NTM: variants seen among roughly 807,000 people sequenced by gnomAD.
NTM encodes neurotrimin.
Under a neutral mutation model 42.1 loss-of-function variants are expected in NTM, and 13 were observed. The ratio of observed to expected loss-of-function variants is 0.31; its 90% CI spans 0.20 to 0.49. NTM has a LOEUF of 0.49. Ranked by LOEUF, NTM falls within the 20% of genes least tolerant of loss-of-function variation. The pLI, the probability that NTM is intolerant of heterozygous loss-of-function variation, is 0.99. For synonymous variants in NTM, 187 were observed against 179.2 expected (o/e 1.04, Z -0.35); for missense variants, 373 against 452.8 (o/e 0.82, Z 1.60).
chr11:132,222,459 T>C (rs2085361669), intron 4 of NTM, among the ~76,000 whole-genome samples: 2 of 152,248 alleles, frequency 1.3e-5, no homozygotes, highest in South Asian at 4.1e-4. Flanking sequence ...TCCTTTCTTA[T>C]CTGAGTCTGT....
chr11:132,127,239 G>A (rs2065995290), intron 2 of NTM, among the ~76,000 whole-genome samples: 1 of 152,190 alleles, frequency 6.6e-6, no homozygotes, highest in Non-Finnish European at 1.5e-5. Flanking sequence ...AAAGTCTTTG[G>A]TTAAAGCAAC....
At chr11:131,411,070 A>T (rs779079228) in intron 1 of NTM, among the ~76,000 whole-genome samples, 8 of 152,136 alleles carry the variant, frequency 5.3e-5, no homozygotes, top group Non-Finnish European at 1.2e-4. Context: ...CCATGTTCTG[A>T]TGCAGTTTTG....
intron 1 of NTM, among the ~76,000 whole-genome samples, chr11:131,843,811 C>A (rs1441444805): frequency 6.6e-6 from 1 of 152,084 alleles, no homozygotes; most frequent in Non-Finnish European, 1.5e-5. Context: ...TTAGCCATTT[C>A]ATTTTCCTCT....
At chr11:132,101,128 G>A (rs1346486744) in intron 2 of NTM, among the ~76,000 whole-genome samples, 2 of 152,260 alleles carry the variant, frequency 1.3e-5, no homozygotes, top group Non-Finnish European at 2.9e-5. Flanking sequence ...TTGTTCCTGA[G>A]GCCATTGATC....
chr11:132,314,116 C>T (rs1373925569), intron 6 of NTM, among the ~76,000 whole-genome samples: 7 of 149,558 alleles, frequency 4.7e-5, no homozygotes, highest in African/African-American at 1.7e-4. Context: ...TCAAATTCCT[C>T]AGGTGGCTCT....
chr11:131,670,755 A>T (rs1195777528), intron 1 of NTM, among the ~76,000 whole-genome samples: 1 of 152,112 alleles, frequency 6.6e-6, no homozygotes, highest in African/African-American at 2.4e-5. Context: ...CTCGACATGG[A>T]TGCTGTCCGA....
At chr11:131,492,477 C>A (rs1029046145) in intron 1 of NTM, among the ~76,000 whole-genome samples, 16 of 152,138 alleles carry the variant, frequency 1.1e-4, no homozygotes, top group African/African-American at 3.9e-4. Flanking sequence ...GTTATTATCC[C>A]AATGTTACCA....
At chr11:131,949,837 C>T (rs761118589) in intron 2 of NTM, among the ~76,000 whole-genome samples, 1 of 152,166 alleles carries the variant, frequency 6.6e-6, no homozygotes, top group Non-Finnish European at 1.5e-5. Flanking sequence ...TGGACATTTC[C>T]TCTTCCTTCT....
At chr11:131,789,597 AG>A (rs2090375150) in intron 1 of NTM, among the ~76,000 whole-genome samples, 6 of 81,842 alleles carry the variant, frequency 7.3e-5, no homozygotes, top group South Asian at 3.6e-4. Context: ...AAGAAGAAGA[AG>A]AAGAAGAAGA....
chr11:131,416,163 A>T (rs1053235136), intron 1 of NTM, among the ~76,000 whole-genome samples: 5 of 151,652 alleles, frequency 3.3e-5, no homozygotes, highest in African/African-American at 1.2e-4. Context: ...TTTGGTACAG[A>T]TCATGAATTA....
chr11:131,810,506 G>A (rs1272173786), intron 1 of NTM, among the ~76,000 whole-genome samples: 2 of 152,204 alleles, frequency 1.3e-5, no homozygotes, highest in Non-Finnish European at 2.9e-5. Flanking sequence ...GGAGACTCGA[G>A]CAGCCAGACT....
intron 1 of NTM, among the ~76,000 whole-genome samples, chr11:131,696,294 T>C (rs61356120): frequency 0.11 from 17,061 of 152,076 alleles, 3,142 homozygotes; most frequent in African/African-American, 0.38. Flanking sequence ...TGAGTGCAAG[T>C]CCGGGAAAAC....
At chr11:132,213,642 G>A (rs1271913310) in intron 4 of NTM, among the ~76,000 whole-genome samples, 3 of 152,072 alleles carry the variant, frequency 2.0e-5, no homozygotes, top group African/African-American at 7.2e-5. Flanking sequence ...GACAGTGACA[G>A]TTGGCCCTAA....
intron 1 of NTM, among the ~76,000 whole-genome samples, chr11:131,647,519 T>G (rs1592353444): frequency 1.3e-5 from 2 of 152,234 alleles, no homozygotes; most frequent in South Asian, 4.2e-4. Context: ...AACTTGGGGG[T>G]GTGTGATCTG....
chr11:131,564,567 T>C (rs2137028895), intron 1 of NTM, among the ~76,000 whole-genome samples: 1 of 152,322 alleles, frequency 6.6e-6, no homozygotes, highest in African/African-American at 2.4e-5. Flanking sequence ...CACATAATTA[T>C]TGTATACAAC....
chr11:132,032,452 T>A (rs77194490), intron 2 of NTM, among the ~76,000 whole-genome samples: 4,988 of 152,288 alleles, frequency 0.033, 285 homozygotes, highest in African/African-American at 0.11. Flanking sequence ...TTGAATGTAG[T>A]GAAAGTATTT....
chr11:131,982,304 G>A (rs896422542), intron 2 of NTM, among the ~76,000 whole-genome samples: 2 of 152,110 alleles, frequency 1.3e-5, no homozygotes, highest in Non-Finnish European at 2.9e-5. Context: ...CCAGTGTGGG[G>A]TTTCTTTGTT....
At chr11:131,920,205 G>A (rs2057018548) in intron 2 of NTM, among the ~76,000 whole-genome samples, 1 of 152,092 alleles carries the variant, frequency 6.6e-6, no homozygotes. Flanking sequence ...GATAATTCCA[G>A]TGGAGTCAAA....
chr11:132,258,473 C>T (rs2139492855), intron 4 of NTM, among the ~76,000 whole-genome samples: 1 of 152,100 alleles, frequency 6.6e-6, no homozygotes, highest in East Asian at 1.9e-4. Context: ...TAGGATGTGC[C>T]ACCCTAAGTA....
Sources: allele counts gnomAD v4.1 joint callset (sites outside exome capture counted in the v4.1 genomes callset), GRCh38; gene constraint gnomAD v4.1.1; transcripts MANE v1.5; gene names NCBI Gene and HGNC (gene_info 2026-07-23, HGNC 2026-07-21).